GPR158: variants seen among roughly 807,000 people sequenced by gnomAD.
GPR158 encodes metabotropic glycine receptor.
Under a neutral mutation model 78.2 loss-of-function variants are expected in GPR158, and 30 were observed. The observed-to-expected ratio is 0.38, with a 90% CI of 0.29 to 0.52. The LOEUF (loss-of-function observed/expected upper bound fraction) is 0.52. GPR158 is among the 20% of genes least tolerant of loss of function. The pLI is 0.83. For synonymous variants in GPR158, 581 were observed against 591.1 expected, an observed-to-expected ratio of 0.98 and a Z score of 0.25; for missense variants, 1,463 against 1,523.5, an observed-to-expected ratio of 0.96 and a Z score of 0.66.
At chr10:25,311,270 C>A (rs1009173358) in intron 2 of GPR158, among the ~76,000 whole-genome samples, 2 of 151,874 alleles carry the variant, frequency 1.3e-5, no homozygotes, top group Admixed American at 1.3e-4. Flanking sequence ...GGGAAAATGA[C>A]ACCTTTATGA....
At chr10:25,579,068 T>G (rs948533234) in intron 7 of GPR158, among the ~76,000 whole-genome samples, 2 of 151,588 alleles carry the variant, frequency 1.3e-5, no homozygotes, top group Non-Finnish European at 2.9e-5. Context: ...CTGGGAAACA[T>G]TCTCCTAAAT....
intron 2 of GPR158, among the ~76,000 whole-genome samples, chr10:25,361,083 CT>C (rs1460703004): frequency 6.6e-6 from 1 of 151,830 alleles, no homozygotes; most frequent in Non-Finnish European, 1.5e-5. Context: ...CAACAACTCT[CT>C]TTTTCCCCTT....
intron 2 of GPR158, among the ~76,000 whole-genome samples, chr10:25,240,230 C>T (rs1252708804): frequency 2.0e-5 from 3 of 152,166 alleles, no homozygotes; most frequent in Non-Finnish European, 2.9e-5. Context: ...CACTTTTGGC[C>T]AGGCACAGTG....
chr10:25,410,799 A>T (rs1404327571), intron 3 of GPR158, among the ~76,000 whole-genome samples: 1 of 151,998 alleles, frequency 6.6e-6, no homozygotes, highest in Non-Finnish European at 1.5e-5. Flanking sequence ...CAGAATGATG[A>T]CTCTTAAACA....
At chr10:25,378,138 G>T (rs972104863) in intron 2 of GPR158, among the ~76,000 whole-genome samples, 2 of 152,182 alleles carry the variant, frequency 1.3e-5, no homozygotes, top group African/African-American at 4.8e-5. Context: ...AATAAATGCA[G>T]AATAGTGCAC....
In GPR158 at chr10:25,480,930, C is replaced by A. The variant is rs369615791; in HGVS notation, c.1404+14211C>A. On this transcript the variant is annotated intron_variant, in intron 5 of 10. Transcript: ENST00000376351. ...CATCAGGTATTAGTACTGGAAGACA[C>A]CTTCGTGGCTCTTGTCTGAGTTTAT... Among the ~76,000 whole-genome samples, 120 of 152,262 alleles carry A rather than the reference C, an allele frequency of 7.9e-4. 3 individuals carry two copies. In the South Asian group the frequency reaches 0.024, roughly 30 times the overall value.
chr10:25,389,948 A>G (rs1394997101), intron 2 of GPR158, among the ~76,000 whole-genome samples: 1 of 152,166 alleles, frequency 6.6e-6, no homozygotes, highest in Non-Finnish European at 1.5e-5. Context: ...TAATTGAATC[A>G]TGGGAGCAGG....
At chr10:25,417,280 C>T (rs926627923) in intron 4 of GPR158, among the ~76,000 whole-genome samples, 2 of 152,116 alleles carry the variant, frequency 1.3e-5, no homozygotes, top group African/African-American at 2.4e-5. Flanking sequence ...ACAGGCAAAT[C>T]AATTCTGTGG....
intron 8 of GPR158, among the ~76,000 whole-genome samples, chr10:25,591,170 C>T (rs758444383): frequency 2.4e-4 from 37 of 152,082 alleles, no homozygotes; most frequent in Non-Finnish European, 4.9e-4. Flanking sequence ...TGATACATTG[C>T]ACTTTATAGT....
At chr10:25,553,048 A>T (rs922834427) in intron 6 of GPR158, among the ~76,000 whole-genome samples, 2 of 152,152 alleles carry the variant, frequency 1.3e-5, no homozygotes, top group Non-Finnish European at 2.9e-5. Flanking sequence ...TCTCCATAAG[A>T]TTCATCATCT....
chr10:25,432,415 C>T (rs576428019), intron 4 of GPR158, among the ~76,000 whole-genome samples: 13 of 152,036 alleles, frequency 8.6e-5, no homozygotes, highest in Non-Finnish European at 1.8e-4. Flanking sequence ...AGTGCATGGT[C>T]GTTTCAATTC....
intron 1 of GPR158, among the ~76,000 whole-genome samples, chr10:25,205,274 C>CTT (rs59202198): frequency 7.8e-6 from 1 of 128,314 alleles, no homozygotes; most frequent in Non-Finnish European, 1.7e-5. Context: ...TGGATCTTCT[C>CTT]TTTTTTTTTT....
intron 1 of GPR158, among the ~76,000 whole-genome samples, chr10:25,193,278 G>A (rs1172382114): frequency 2.0e-5 from 3 of 152,134 alleles, no homozygotes; most frequent in East Asian, 1.9e-4. Context: ...ATAGGGGAAC[G>A]TGGCAGAGAA....
At chr10:25,206,452 C>A (rs959426496) in intron 1 of GPR158, among the ~76,000 whole-genome samples, 1 of 151,964 alleles carries the variant, frequency 6.6e-6, no homozygotes, top group Non-Finnish European at 1.5e-5. Flanking sequence ...TAAAGTTTAA[C>A]TTTTTTCTAT....
At chr10:25,276,129 G>A (rs371749467) in intron 2 of GPR158, among the ~76,000 whole-genome samples, 30 of 152,260 alleles carry the variant, frequency 2.0e-4, no homozygotes, top group African/African-American at 6.5e-4. Context: ...TGATCCCTGC[G>A]GCTTGAGGTT....
chr10:25,374,122 T>C (rs1834042767), intron 2 of GPR158, among the ~76,000 whole-genome samples: 1 of 151,764 alleles, frequency 6.6e-6, no homozygotes, highest in South Asian at 2.1e-4. Context: ...CATATATATT[T>C]AGAATTTTTG....
At chr10:25,360,424 T>G (rs1245511841) in intron 2 of GPR158, among the ~76,000 whole-genome samples, 6 of 152,182 alleles carry the variant, frequency 3.9e-5, no homozygotes. Flanking sequence ...AGTTATTTTT[T>G]GTATAAGGTG....
chr10:25,207,615 T>C (rs1265077076), intron 1 of GPR158, among the ~76,000 whole-genome samples: 1 of 152,108 alleles, frequency 6.6e-6, no homozygotes, highest in Non-Finnish European at 1.5e-5. Context: ...GAAGTGAAGC[T>C]CAGGTGGTAA....
At chr10:25,541,000 C>G (rs1274934330) in intron 5 of GPR158, among the ~76,000 whole-genome samples, 1 of 142,928 alleles carries the variant, frequency 7.0e-6, no homozygotes. Flanking sequence ...AAACCTACAC[C>G]TACATGAAAT....
Sources: allele counts gnomAD v4.1 joint callset (sites outside exome capture counted in the v4.1 genomes callset), GRCh38; gene constraint gnomAD v4.1.1; transcripts MANE v1.5; gene names NCBI Gene and HGNC (gene_info 2026-07-23, HGNC 2026-07-21).